The following TASP1 variants were observed in gnomAD, a reference collection of about 807,000 sequenced individuals.
TASP1 encodes the protein threonine aspartase 1.
A neutral mutation model predicts 56.6 loss-of-function variants in TASP1; 16 were observed. The observed-to-expected ratio is 0.28, with a 90% confidence interval of 0.19 to 0.43. TASP1 has a LOEUF of 0.43. TASP1 is among the 20% of genes least tolerant of loss of function. The pLI, the probability that TASP1 is intolerant of heterozygous loss-of-function variation, is 1.00. For missense variants in TASP1, 393 were observed against 511.6 expected, an observed-to-expected ratio of 0.77 and a Z score of 2.24; for synonymous variants, 179 against 184.2, an observed-to-expected ratio of 0.97 and a Z score of 0.23.
At chr20:13,256,710 C>G in the TASP1 span, among the ~76,000 whole-genome samples, 1 of 152,196 alleles carries the variant, frequency 6.6e-6, no homozygotes, top group East Asian at 1.9e-4. Context: ...GAGGTATTCA[C>G]TCTCCCCGAC....
At chr20:13,213,861 G>A in the TASP1 span, among the ~76,000 whole-genome samples, 1 of 152,054 alleles carries the variant, frequency 6.6e-6, no homozygotes, top group Non-Finnish European at 1.5e-5. Context: ...TAATCCTAGA[G>A]AAACAAACAT....
intron 4 of TASP1, among the ~76,000 whole-genome samples, chr20:13,621,759 G>C (rs2048725977): frequency 6.6e-6 from 1 of 152,108 alleles, no homozygotes. Flanking sequence ...ATATAAGTAT[G>C]ACTTAGGAAA....
chr20:13,297,376 T>C, the TASP1 span, among the ~76,000 whole-genome samples: 1 of 152,208 alleles, frequency 6.6e-6, no homozygotes, highest in Non-Finnish European at 1.5e-5. Flanking sequence ...ACTCGTTTGC[T>C]CCACACCCTG....
intron 10 of TASP1, among the ~76,000 whole-genome samples, chr20:13,506,673 A>T (rs2044144427): frequency 6.6e-6 from 1 of 152,164 alleles, no homozygotes; most frequent in South Asian, 2.1e-4. Context: ...CAGAAGAAGC[A>T]CTTGAGAAAA....
At chr20:13,560,352 A>T (rs1279802185) in intron 7 of TASP1, among the ~76,000 whole-genome samples, 1 of 152,228 alleles carries the variant, frequency 6.6e-6, no homozygotes, top group Non-Finnish European at 1.5e-5. Context: ...TAAAGGTATT[A>T]TTGCACTGTG....
At chr20:13,411,699 T>C (rs2042099302) in intron 13 of TASP1, among the ~76,000 whole-genome samples, 1 of 152,212 alleles carries the variant, frequency 6.6e-6, no homozygotes, top group Non-Finnish European at 1.5e-5. Flanking sequence ...TAGAGAATTC[T>C]CCATTCTTAT....
chr20:13,368,200 T>C, the TASP1 span: 1 of 152,178 alleles, frequency 6.6e-6, no homozygotes, highest in Non-Finnish European at 1.5e-5. Flanking sequence ...AGGTGTATAG[T>C]AGAGAGCACT....
At chr20:13,481,677 G>A (rs2043146587) in intron 11 of TASP1, among the ~76,000 whole-genome samples, 2 of 152,146 alleles carry the variant, frequency 1.3e-5, no homozygotes, top group South Asian at 2.1e-4. Context: ...AAGCAATAAT[G>A]TTGAGCGCTT....
chr20:13,392,207 G>A (rs2041314922), intron 13 of TASP1, among the ~76,000 whole-genome samples: 1 of 151,970 alleles, frequency 6.6e-6, no homozygotes, highest in South Asian at 2.1e-4. Context: ...GAACTAATGG[G>A]AAATAACACA....
chr20:13,545,485 G>C (rs1568566111), intron 8 of TASP1, among the ~76,000 whole-genome samples: 1 of 152,126 alleles, frequency 6.6e-6, no homozygotes, highest in Non-Finnish European at 1.5e-5. Flanking sequence ...ATGATATTCA[G>C]GGGGACTCTA....
chr20:13,141,528 C>T, the TASP1 span, among the ~76,000 whole-genome samples: 3 of 152,218 alleles, frequency 2.0e-5, no homozygotes, highest in East Asian at 5.8e-4. Context: ...ATGGTGTTTG[C>T]TCCATTTTTC....
At chr20:13,632,273 T>C (rs1412264839) in intron 1 of TASP1, among the ~76,000 whole-genome samples, 1 of 145,662 alleles carries the variant, frequency 6.9e-6, no homozygotes, top group Non-Finnish European at 1.5e-5. Context: ...GGCAGGAGAA[T>C]TGCTTGAACT....
At chr20:13,495,546 C>T (rs1292358610) in intron 10 of TASP1, among the ~76,000 whole-genome samples, 2 of 151,964 alleles carry the variant, frequency 1.3e-5, no homozygotes, top group Non-Finnish European at 1.5e-5. Context: ...AGAAATTGTC[C>T]AAAAGCTGTC....
chr20:13,182,153 C>T, the TASP1 span, among the ~76,000 whole-genome samples: 4 of 152,220 alleles, frequency 2.6e-5, no homozygotes, highest in African/African-American at 2.4e-5. Flanking sequence ...TGCCTTTTCA[C>T]ATGCTGTTTC....
intron 9 of TASP1, among the ~76,000 whole-genome samples, chr20:13,530,602 A>G (rs952816363): frequency 2.0e-5 from 3 of 152,196 alleles, no homozygotes; most frequent in Non-Finnish European, 2.9e-5. Context: ...CACTCAAAAA[A>G]TAGTAAATAA....
At chr20:13,391,232 A>G (rs1175176886) in intron 13 of TASP1, among the ~76,000 whole-genome samples, 1 of 152,176 alleles carries the variant, frequency 6.6e-6, no homozygotes, top group East Asian at 1.9e-4. Flanking sequence ...CTGAGTGAAG[A>G]CATCAGCTAT....
the TASP1 span, among the ~76,000 whole-genome samples, chr20:13,235,984 A>G: frequency 0.26 from 39,766 of 150,558 alleles, 5,487 homozygotes; most frequent in African/African-American, 0.35. Context: ...GAGTGCAGTG[A>G]TGCAATCTTG....
chr20:13,477,358 T>C (rs1388647407), intron 11 of TASP1, among the ~76,000 whole-genome samples: 1 of 152,096 alleles, frequency 6.6e-6, no homozygotes, highest in Non-Finnish European at 1.5e-5. Flanking sequence ...ACAAAGATTG[T>C]AGGTTTATAA....
At chr20:13,345,799 C>T in the TASP1 span, among the ~76,000 whole-genome samples, 1 of 151,258 alleles carries the variant, frequency 6.6e-6, no homozygotes, top group Non-Finnish European at 1.5e-5. Context: ...CTTGAGGTTA[C>T]AGGGGGGCAG....
Sources: allele counts gnomAD v4.1 joint callset (sites outside exome capture counted in the v4.1 genomes callset), GRCh38; gene constraint gnomAD v4.1.1; transcripts MANE v1.5; gene names NCBI Gene and HGNC (gene_info 2026-07-23, HGNC 2026-07-21).